Variants in CDH13 observed in about 807,000 individuals in gnomAD.
The protein encoded by CDH13 is cadherin 13.
A neutral mutation model predicts 63.8 loss-of-function variants in CDH13; 24 were observed. The observed-to-expected ratio is 0.38, with a 90% confidence interval of 0.27 to 0.53. CDH13 has a LOEUF of 0.53. Ranked by LOEUF, CDH13 falls within the 20% of genes least tolerant of loss-of-function variation. CDH13 has a pLI of 0.85. For synonymous variants in CDH13, 503 were observed against 355.3 expected (o/e 1.42, Z -4.67); for missense variants, 1,049 against 903.1 (o/e 1.16, Z -2.07).
At chr16:83,762,367 C>T (rs1168470769) in intron 11 of CDH13, among the ~76,000 whole-genome samples, 1 of 150,782 alleles carries the variant, frequency 6.6e-6, no homozygotes, top group Non-Finnish European at 1.5e-5. Flanking sequence ...GAATTGCTGC[C>T]CTCTCTTAAG....
At chr16:83,072,025 A>G (rs981207515) in intron 3 of CDH13, among the ~76,000 whole-genome samples, 1 of 152,126 alleles carries the variant, frequency 6.6e-6, no homozygotes, top group Non-Finnish European at 1.5e-5. Context: ...AAAACTAAAA[A>G]TAAATATATA....
At position 83,606,640 on chromosome 16, in the gene CDH13, T is replaced by A. The variant is rs567946666; in HGVS notation, c.1101+4046T>A. Among the ~76,000 whole-genome samples, 4 of 150,600 alleles carry A rather than the reference T, an allele frequency of 2.7e-5. 1 individual carries two copies. The South Asian group carries it at 8.4e-4, about 32-fold the overall frequency. The stretch of plus-strand genomic sequence containing the variant: ...TACCTGGGAGGCTGCGGTAGGAGGA[T>A]CATTTGAGCCTGGAAGGTCAAGACA... On this transcript the variant is annotated intron_variant, in intron 8 of 13. Coordinates refer to ENST00000567109, the MANE Select transcript of CDH13 (RefSeq NM_001257.5).
intron 3 of CDH13, among the ~76,000 whole-genome samples, chr16:83,042,774 A>T (rs1198917067): frequency 6.6e-6 from 1 of 152,228 alleles, no homozygotes; most frequent in Non-Finnish European, 1.5e-5. Flanking sequence ...TGGGAGTGAC[A>T]TGGAATCTGT....
At chr16:83,306,159 A>T (rs892015766) in intron 5 of CDH13, among the ~76,000 whole-genome samples, 5 of 152,224 alleles carry the variant, frequency 3.3e-5, no homozygotes, top group Admixed American at 6.5e-5. Context: ...GTGGGGAGCT[A>T]ACGTTGTCAC....
intron 2 of CDH13, among the ~76,000 whole-genome samples, chr16:82,915,675 G>A (rs949848805): frequency 2.0e-5 from 3 of 151,924 alleles, no homozygotes; most frequent in Non-Finnish European, 4.4e-5. Context: ...TGCAGGTGAC[G>A]TTTGTGAAAG....
intron 8 of CDH13, among the ~76,000 whole-genome samples, chr16:83,621,755 G>A (rs922461109): frequency 1.7e-4 from 25 of 150,952 alleles, no homozygotes; most frequent in African/African-American, 5.6e-4. Context: ...CCAAAGTGCC[G>A]GTATTACAGG....
rs11445521 is a variant in CDH13, at chr16:83,142,160, G to GTTT, written c.483+16676_483+16678dup. ...GAACCATTTTTGTTTGTTTGTTTTT[G>GTTT]TTTTTTTTTTTTTTTTTTTGAAATG... On this transcript the variant is annotated intron_variant, in intron 4 of 13. Transcript: ENST00000567109. 8.5e-4 allele frequency among the ~76,000 whole-genome samples: 102 copies of GTTT among 120,368 alleles called. 2 individuals carry two copies. The East Asian group carries it at 0.012, about 15-fold the overall frequency. The allele number at this position is 120,368 out of a possible 152,430, so 79.0% of individuals were successfully genotyped here. A position where few individuals can be genotyped will look rare whatever the true frequency, so the allele number is the denominator to read the frequency against.
chr16:83,410,375 A>G (rs1478064828), intron 6 of CDH13, among the ~76,000 whole-genome samples: 1 of 152,206 alleles, frequency 6.6e-6, no homozygotes, highest in African/African-American at 2.4e-5. Flanking sequence ...ATTTCCTTCC[A>G]TCTTCTAAAA....
At chr16:82,901,752 A>T (rs1054353906) in intron 2 of CDH13, among the ~76,000 whole-genome samples, 1 of 152,220 alleles carries the variant, frequency 6.6e-6, no homozygotes, top group African/African-American at 2.4e-5. Flanking sequence ...CGAACCATAT[A>T]CCAGGCCCTG....
chr16:82,770,785 G>T (rs1048468851), intron 1 of CDH13, among the ~76,000 whole-genome samples: 12 of 152,206 alleles, frequency 7.9e-5, no homozygotes, highest in South Asian at 4.1e-4. Flanking sequence ...TCGGCTCACT[G>T]CAACCTCCGC....
At chr16:82,643,606 C>T (rs918548723) in intron 1 of CDH13, among the ~76,000 whole-genome samples, 1 of 152,204 alleles carries the variant, frequency 6.6e-6, no homozygotes, top group Admixed American at 6.5e-5. Context: ...AAGGGTTCTT[C>T]ACGTTTGTTT....
At chr16:83,085,739 G>T (rs1384950579) in intron 3 of CDH13, among the ~76,000 whole-genome samples, 2 of 152,170 alleles carry the variant, frequency 1.3e-5, no homozygotes, top group Non-Finnish European at 2.9e-5. Flanking sequence ...ACTATGGGTT[G>T]TATAGTCAAA....
chr16:82,718,496 G>A lies in CDH13; in HGVS notation c.45+91359G>A, dbSNP rs188378990. Among the ~76,000 whole-genome samples the A allele has an allele frequency of 3.3e-5, 5 of 152,292 alleles. No homozygotes were observed. The South Asian group carries it at 8.3e-4, about 25-fold the overall frequency. On this transcript the variant is annotated intron_variant, in intron 1 of 13. Coordinates refer to ENST00000567109, the MANE Select transcript of CDH13 (RefSeq NM_001257.5). ...TGAAGAAGAAGGAGAAAGTGTTAAG[G>A]AAGGAAACAGAAAGTGCCAAGCCCT...
At chr16:83,520,557 G>A (rs571388367) in intron 7 of CDH13, among the ~76,000 whole-genome samples, 5 of 152,242 alleles carry the variant, frequency 3.3e-5, no homozygotes, top group South Asian at 2.1e-4. Context: ...TCTGTGTCTC[G>A]ACGTCATTGC....
intron 1 of CDH13, among the ~76,000 whole-genome samples, chr16:82,789,575 G>C (rs191311913): frequency 6.6e-6 from 1 of 152,196 alleles, no homozygotes; most frequent in East Asian, 1.9e-4. Flanking sequence ...GCCATTCTGG[G>C]CTGCACAAGG....
intron 4 of CDH13, among the ~76,000 whole-genome samples, chr16:83,201,757 AAC>A (rs2039038772): frequency 6.6e-6 from 1 of 151,686 alleles, no homozygotes; most frequent in African/African-American, 2.4e-5. Context: ...AAAAAAAAAA[AAC>A]ACAAAAAATT....
intron 7 of CDH13, among the ~76,000 whole-genome samples, chr16:83,557,388 C>G (rs1338807245): frequency 6.6e-6 from 1 of 152,060 alleles, no homozygotes; most frequent in Non-Finnish European, 1.5e-5. Flanking sequence ...CAAAACCATC[C>G]CCACTCTGGT....
At chr16:82,897,631 G>C (rs2041313250) in intron 2 of CDH13, among the ~76,000 whole-genome samples, 1 of 152,194 alleles carries the variant, frequency 6.6e-6, no homozygotes, top group African/African-American at 2.4e-5. Context: ...AAATGACTCA[G>C]CTCTGTCTTC....
At chr16:82,759,150 G>A (rs748075167) in intron 1 of CDH13, among the ~76,000 whole-genome samples, 1 of 152,162 alleles carries the variant, frequency 6.6e-6, no homozygotes, top group Non-Finnish European at 1.5e-5. Flanking sequence ...GGCTTCCTGT[G>A]AGACAATTGT....
Sources: allele counts gnomAD v4.1 joint callset (sites outside exome capture counted in the v4.1 genomes callset), GRCh38; gene constraint gnomAD v4.1.1; transcripts MANE v1.5; gene names NCBI Gene and HGNC (gene_info 2026-07-23, HGNC 2026-07-21).